Variants in DMD observed in about 807,000 individuals in gnomAD.
DMD encodes the protein dystrophin, also known as mutant dystrophin.
A neutral mutation model predicts 330.1 loss-of-function variants in DMD; 63 were observed. The ratio of observed to expected loss-of-function variants is 0.19; its 90% CI spans 0.16 to 0.24. DMD has a LOEUF of 0.24. DMD is among the 10% of genes least tolerant of loss of function. The pLI is 1.00. For synonymous variants in DMD, 1,223 were observed against 959.8 expected (o/e 1.27, Z -5.07); for missense variants, 3,344 against 2,684.1 (o/e 1.25, Z -5.43).
chrX:32,724,480 G>A (rs547440580), intron 7 of DMD, among the ~76,000 whole-genome samples: 1 of 111,686 alleles, frequency 9.0e-6, no homozygotes, highest in Non-Finnish European at 1.9e-5. Context: ...TTACCAAGAG[G>A]AGCTGTTAAC....
intron 1 of DMD, among the ~76,000 whole-genome samples, chrX:33,264,938 T>G (rs2036953949): frequency 9.0e-6 from 1 of 110,714 alleles, no homozygotes; most frequent in African/African-American, 3.3e-5. Flanking sequence ...ATTTCATGTC[T>G]ACATTATGGA....
intron 1 of DMD, among the ~76,000 whole-genome samples, chrX:33,056,347 TTC>T (rs1475181055): frequency 2.7e-5 from 3 of 109,583 alleles, no homozygotes; most frequent in Non-Finnish European, 5.7e-5. Context: ...TCTTTTTTTT[TTC>T]TTTTTCTTTT....
intron 27 of DMD, among the ~76,000 whole-genome samples, chrX:32,445,556 C>T (rs915783991): frequency 1.0e-4 from 11 of 110,370 alleles, no homozygotes; most frequent in African/African-American, 3.6e-4. Context: ...AATTAGAGTA[C>T]ATTTTAATAA....
At chrX:33,280,818 T>C (rs917949360) in intron 1 of DMD, among the ~76,000 whole-genome samples, 6 of 112,209 alleles carry the variant, frequency 5.3e-5, no homozygotes, top group African/African-American at 1.9e-4. Context: ...AGTATCAGAC[T>C]GTCTAGAATA....
intron 5 of DMD, among the ~76,000 whole-genome samples, chrX:32,822,499 ACTATT>A (rs2078349101): frequency 9.0e-6 from 1 of 110,587 alleles, no homozygotes; most frequent in East Asian, 2.8e-4. Flanking sequence ...TTATGATTAT[ACTATT>A]ATGTATATGT....
At chrX:32,839,169 C>A (rs760434826) in intron 4 of DMD, among the ~76,000 whole-genome samples, 29 of 111,132 alleles carry the variant, frequency 2.6e-4, no homozygotes, top group African/African-American at 9.2e-4. Context: ...TACTACCTCT[C>A]TGCTCCCCTA....
At chrX:32,334,759 T>C (rs1414870459) in intron 41 of DMD, among the ~76,000 whole-genome samples, 1 of 111,931 alleles carries the variant, frequency 8.9e-6, no homozygotes, top group Non-Finnish European at 1.9e-5. Flanking sequence ...CTACTGCAAC[T>C]GTCTAGATGT....
At chrX:31,446,169 C>T (rs746029251) in intron 59 of DMD, among the ~76,000 whole-genome samples, 7 of 112,152 alleles carry the variant, frequency 6.2e-5, no homozygotes, top group Non-Finnish European at 3.8e-5. Context: ...ATCAGTAAAC[C>T]GTGGTGCTGT....
intron 55 of DMD, among the ~76,000 whole-genome samples, chrX:31,539,236 G>A (rs1313195642): frequency 1.8e-5 from 2 of 111,358 alleles, no homozygotes; most frequent in African/African-American, 3.3e-5. Flanking sequence ...AGCCATTCAC[G>A]TATTTTCCTT....
intron 73 of DMD, among the ~76,000 whole-genome samples, chrX:31,171,789 C>T (rs998280024): frequency 3.6e-5 from 4 of 111,750 alleles, no homozygotes; most frequent in Non-Finnish European, 7.5e-5. Context: ...TGCTAACAAC[C>T]TGCAACCTGA....
intron 1 of DMD, among the ~76,000 whole-genome samples, chrX:33,186,197 C>A (rs1384686339): frequency 2.7e-5 from 3 of 112,093 alleles, no homozygotes; most frequent in Admixed American, 1.9e-4. Flanking sequence ...CTTGTTGAAT[C>A]CCTATCTCAT....
intron 1 of DMD, among the ~76,000 whole-genome samples, chrX:33,134,741 AAATT>A (rs1373441751): frequency 1.8e-5 from 2 of 111,910 alleles, no homozygotes; most frequent in African/African-American, 6.5e-5. Flanking sequence ...AGTTAAAAAT[AAATT>A]AATTAATTTT....
chrX:33,016,445 A>C (rs2093804256), intron 2 of DMD, among the ~76,000 whole-genome samples: 1 of 111,336 alleles, frequency 9.0e-6, no homozygotes, highest in Non-Finnish European at 1.9e-5. Context: ...TTCTCCCTGT[A>C]ACCACTTACA....
At chrX:32,291,439 A>G (rs747426692) in intron 42 of DMD, among the ~76,000 whole-genome samples, 1 of 112,093 alleles carries the variant, frequency 8.9e-6, no homozygotes, top group African/African-American at 3.2e-5. Flanking sequence ...AAGTACATAT[A>G]TAATACCATT....
chrX:32,736,460 T>A (rs1186494701), intron 7 of DMD, among the ~76,000 whole-genome samples: 1 of 110,492 alleles, frequency 9.1e-6, no homozygotes, highest in Non-Finnish European at 1.9e-5. Context: ...TAAAGACACA[T>A]GCACACGTAT....
At chrX:32,325,918 A>C (rs2097648600) in intron 41 of DMD, among the ~76,000 whole-genome samples, 1 of 109,729 alleles carries the variant, frequency 9.1e-6, no homozygotes, top group Admixed American at 9.8e-5. Flanking sequence ...ATAAGCAACT[A>C]ATTAAATAAG....
At chrX:32,351,217 C>T (rs905099149) in intron 37 of DMD, among the ~76,000 whole-genome samples, 23 of 110,856 alleles carry the variant, frequency 2.1e-4, no homozygotes, top group African/African-American at 7.5e-4. Flanking sequence ...TTTTGATCCT[C>T]TCAAAATCCT....
At position 32,417,061 on chromosome X, in the gene DMD, G is replaced by A. The variant is rs187933161; in HGVS notation, c.4072-5148C>T. ...CCTAACTCTTCTATTTAACTTAAGAGCAAGTGTGAAACTGTCACTATGGAT... is the reference window on the plus strand; with the variant it reads ...CCTAACTCTTCTATTTAACTTAAGAACAAGTGTGAAACTGTCACTATGGAT... On this transcript the variant is annotated intron_variant, in intron 29 of 78. Transcript: ENST00000357033. 5.1e-3 allele frequency among the ~76,000 whole-genome samples: 570 copies of A among 112,049 alleles called. 4 individuals are homozygous for A. Among genetic ancestry groups the A allele is most frequent in the African/African-American group, 0.018 (552 of 30,837 alleles).
intron 21 of DMD, among the ~76,000 whole-genome samples, chrX:32,482,894 GT>G (rs764455720): frequency 1.4e-4 from 15 of 108,436 alleles, no homozygotes; most frequent in Non-Finnish European, 2.9e-4. Context: ...TAAAAGCCAG[GT>G]TTTTGTGTGA....
Sources: allele counts gnomAD v4.1 joint callset (sites outside exome capture counted in the v4.1 genomes callset), GRCh38; gene constraint gnomAD v4.1.1; transcripts MANE v1.5; gene names NCBI Gene and HGNC (gene_info 2026-07-23, HGNC 2026-07-21).